Variants in CDH8 observed in about 807,000 individuals in gnomAD.
The protein encoded by CDH8 is cadherin-8.
Under a neutral mutation model 68.1 loss-of-function variants are expected in CDH8, and 17 were observed. That is an observed-to-expected ratio of 0.25 (90% confidence interval 0.17 to 0.37). The LOEUF (loss-of-function observed/expected upper bound fraction) is 0.37. Among genes scored for constraint, CDH8 ranks in the 10% least tolerant of loss-of-function variants. CDH8 has a pLI of 1.00. For synonymous variants in CDH8, 372 were observed against 365.1 expected (o/e 1.02, Z -0.21); for missense variants, 763 against 999.3 (o/e 0.76, Z 3.19).
chr16:61,883,424 A>G (rs892952521), intron 3 of CDH8, among the ~76,000 whole-genome samples: 1 of 152,100 alleles, frequency 6.6e-6, no homozygotes, highest in Non-Finnish European at 1.5e-5. Context: ...AACAACAAGC[A>G]GGCTTGGGGA....
chr16:61,881,906 T>C (rs1963585610), intron 3 of CDH8, among the ~76,000 whole-genome samples: 1 of 152,294 alleles, frequency 6.6e-6, no homozygotes, highest in African/African-American at 2.4e-5. Context: ...CTCTAAGCTG[T>C]CCTAAGCCTA....
chr16:62,003,917 C>T (rs1965933359), intron 2 of CDH8, among the ~76,000 whole-genome samples: 1 of 152,142 alleles, frequency 6.6e-6, no homozygotes, highest in African/African-American at 2.4e-5. Context: ...TCTCCTTCCA[C>T]TTAGTAAAAT....
chr16:61,691,760 G>A (rs1029047542), intron 10 of CDH8: 3 of 151,918 alleles, frequency 2.0e-5, no homozygotes, highest in African/African-American at 7.3e-5. Flanking sequence ...GGCAGCTTTT[G>A]TAGTACTTGG....
At chr16:61,715,321 G>T (rs1242966913) in intron 9 of CDH8, among the ~76,000 whole-genome samples, 1 of 151,530 alleles carries the variant, frequency 6.6e-6, no homozygotes, top group Non-Finnish European at 1.5e-5. Flanking sequence ...AAGGACTCTG[G>T]AGTTAAGCTT....
intron 8 of CDH8, among the ~76,000 whole-genome samples, chr16:61,773,609 C>G (rs1399941714): frequency 7.2e-5 from 11 of 151,896 alleles, no homozygotes; most frequent in Non-Finnish European, 1.2e-4. Flanking sequence ...AGTATGGTTT[C>G]TCATCATTCC....
At chr16:61,723,797 T>G (rs1220306659) in intron 9 of CDH8, among the ~76,000 whole-genome samples, 1 of 150,582 alleles carries the variant, frequency 6.6e-6, no homozygotes, top group East Asian at 2.0e-4. Context: ...TTCCCATTTT[T>G]GCCATGGACG....
chr16:61,998,213 CACTT>C (rs1178094125), intron 2 of CDH8, among the ~76,000 whole-genome samples: 1 of 152,108 alleles, frequency 6.6e-6, no homozygotes, highest in African/African-American at 2.4e-5. Context: ...CAAAATTAAA[CACTT>C]GATGAATATG....
chr16:61,945,232 G>A (rs1048925584), intron 2 of CDH8, among the ~76,000 whole-genome samples: 1 of 152,004 alleles, frequency 6.6e-6, no homozygotes, highest in Non-Finnish European at 1.5e-5. Flanking sequence ...ATACAACAGG[G>A]TCATTGTGAA....
chr16:61,949,839 A>G (rs576550466), intron 2 of CDH8, among the ~76,000 whole-genome samples: 1 of 151,928 alleles, frequency 6.6e-6, no homozygotes, highest in Non-Finnish European at 1.5e-5. Context: ...TAATACAAAA[A>G]TTAGCCAGGC....
At chr16:61,901,521 TA>T in intron 2 of CDH8, 48 bp from the exon 3 acceptor site, 1 of 1,404,400 alleles carries the variant, frequency 7.1e-7, no homozygotes. Flanking sequence ...TCTGAAAAGT[TA>T]TTTTTTTAAC....
intron 2 of CDH8, among the ~76,000 whole-genome samples, chr16:61,996,756 T>A (rs1965810400): frequency 6.6e-6 from 1 of 152,166 alleles, no homozygotes. Context: ...TTATATTTAT[T>A]TTTTGTAGAG....
intron 10 of CDH8, among the ~76,000 whole-genome samples, chr16:61,665,492 A>C (rs977130276): frequency 7.9e-5 from 12 of 151,824 alleles, no homozygotes; most frequent in African/African-American, 2.9e-4. Flanking sequence ...ATCACACACC[A>C]GGGCCTGTCA....
rs1473049989 is a variant in CDH8, at chr16:61,654,200, T to C, written c.1907-99A>G. 3.0e-5 allele frequency: 29 copies of C among 963,944 alleles called. No individual in the cohort carries two copies. The Middle Eastern group carries it at 7.0e-4, about 23-fold the overall frequency. The allele number at this position is 963,944 out of a possible 1,614,324, so 59.7% of individuals were successfully genotyped here. On this transcript the variant is annotated intron_variant, in intron 11 of 11. Transcript: ENST00000577390. ...GGAGAGAGGGGTATTTTTACAAAAT[T>C]GTATGAGCATACACCTTTAATAATA...
intron 5 of CDH8, among the ~76,000 whole-genome samples, chr16:61,821,909 C>T (rs962130503): frequency 1.3e-5 from 2 of 151,924 alleles, no homozygotes; most frequent in Admixed American, 1.3e-4. Context: ...GTAGTGTACA[C>T]CTGTCTTACA....
At chr16:61,929,780 C>T (rs1308663099) in intron 2 of CDH8, among the ~76,000 whole-genome samples, 1 of 152,068 alleles carries the variant, frequency 6.6e-6, no homozygotes, top group Non-Finnish European at 1.5e-5. Flanking sequence ...GTTCCAGCCA[C>T]TTGGGTAGCT....
chr16:61,733,533 CAAAT>C (rs1238141383), intron 8 of CDH8, among the ~76,000 whole-genome samples: 1 of 151,850 alleles, frequency 6.6e-6, no homozygotes, highest in Non-Finnish European at 1.5e-5. Context: ...AGGAAACTAT[CAAAT>C]AAAGTAAAAA....
intron 2 of CDH8, among the ~76,000 whole-genome samples, chr16:61,986,727 T>C (rs1472476015): frequency 6.6e-6 from 1 of 152,122 alleles, no homozygotes; most frequent in African/African-American, 2.4e-5. Context: ...GAATAGGTAA[T>C]CCTCTAGCTT....
At chr16:62,022,590 A>G (rs1320206997) in intron 1 of CDH8, among the ~76,000 whole-genome samples, 1 of 152,186 alleles carries the variant, frequency 6.6e-6, no homozygotes, top group African/African-American at 2.4e-5. Flanking sequence ...CTGCAGATCC[A>G]AGAGAGAAGC....
Position 61,859,908 on chromosome 16 carries a change from T to A in CDH8, c.548-2670A>T, listed in dbSNP as rs761134860. On this transcript the variant is annotated intron_variant, in intron 3 of 11. Transcript: ENST00000577390. The stretch of plus-strand genomic sequence containing the variant: ...TGTCGCCCAGGCTGGAGTGCAGTGG[T>A]GTGATCTTGGCTCACTGCAACCGCC... Among the ~76,000 whole-genome samples, 155 of 152,120 alleles carry A rather than the reference T, an allele frequency of 1.0e-3. 2 individuals are homozygous for A. Among genetic ancestry groups the A allele is most frequent in the Admixed American group, 7.2e-4 (11 of 15,260 alleles).
Sources: allele counts gnomAD v4.1 joint callset (sites outside exome capture counted in the v4.1 genomes callset), GRCh38; gene constraint gnomAD v4.1.1; transcripts MANE v1.5; gene names NCBI Gene and HGNC (gene_info 2026-07-23, HGNC 2026-07-21).